ASTN2: variants seen among roughly 807,000 people sequenced by gnomAD.
The protein encoded by ASTN2 is astrotactin-2.
ASTN2 carries 54 observed loss-of-function variants against 139.8 expected under a neutral mutation model. The observed-to-expected ratio is 0.39, with a 90% CI of 0.31 to 0.48. ASTN2 has a LOEUF of 0.48. Among genes scored for constraint, ASTN2 ranks in the 20% least tolerant of loss-of-function variants. ASTN2 has a pLI of 0.95. For synonymous variants in ASTN2, 756 were observed against 719.5 expected (o/e 1.05, Z -0.81); for missense variants, 1,565 against 1,725.1 (o/e 0.91, Z 1.64).
intron 2 of ASTN2, among the ~76,000 whole-genome samples, chr9:117,251,768 G>A (rs1327899551): frequency 6.6e-6 from 1 of 152,182 alleles, no homozygotes; most frequent in African/African-American, 2.4e-5. Context: ...GGCCAGGACA[G>A]TGAAAGGCAT....
intron 16 of ASTN2, among the ~76,000 whole-genome samples, chr9:116,659,374 A>T (rs1858421391): frequency 1.3e-5 from 2 of 151,968 alleles, no homozygotes; most frequent in Admixed American, 1.3e-4. Flanking sequence ...CATAAATCTG[A>T]CTCCTGTCCC....
At chr9:116,717,255 G>A (rs1828336401) in intron 16 of ASTN2, among the ~76,000 whole-genome samples, 1 of 151,962 alleles carries the variant, frequency 6.6e-6, no homozygotes, top group African/African-American at 2.4e-5. Flanking sequence ...GAAGACTAGG[G>A]TGTTCCGTTC....
At chr9:117,285,839 G>A (rs905840979) in intron 2 of ASTN2, among the ~76,000 whole-genome samples, 8 of 152,120 alleles carry the variant, frequency 5.3e-5, no homozygotes, top group Non-Finnish European at 7.4e-5. Flanking sequence ...ATACAAATCC[G>A]TGGCATTTTC....
intron 1 of ASTN2, among the ~76,000 whole-genome samples, chr9:117,343,133 C>A (rs1385134427): frequency 3.3e-5 from 5 of 152,220 alleles, no homozygotes; most frequent in Admixed American, 3.3e-4. Context: ...GCTGCAATTT[C>A]TCTAGAGGCT....
At chr9:117,309,065 G>A (rs1396546299) in intron 1 of ASTN2, among the ~76,000 whole-genome samples, 3 of 152,212 alleles carry the variant, frequency 2.0e-5, no homozygotes, top group Non-Finnish European at 4.4e-5. Flanking sequence ...TACCTTTCAA[G>A]ATGGTTATTA....
chr9:116,664,024 G>A (rs899715961), intron 16 of ASTN2, among the ~76,000 whole-genome samples: 5 of 152,034 alleles, frequency 3.3e-5, no homozygotes, highest in African/African-American at 1.2e-4. Flanking sequence ...TTCAATTTCT[G>A]TTGCTTCTGC....
At chr9:116,887,673 T>C (rs1336528705) in intron 10 of ASTN2, among the ~76,000 whole-genome samples, 1 of 152,066 alleles carries the variant, frequency 6.6e-6, no homozygotes, top group African/African-American at 2.4e-5. Flanking sequence ...ATTGTTGTTG[T>C]TTCGATTTTT....
chr9:116,454,970 T>C (rs1310581556), intron 20 of ASTN2, among the ~76,000 whole-genome samples: 2 of 151,814 alleles, frequency 1.3e-5, no homozygotes, highest in African/African-American at 2.4e-5. Context: ...CACACCAACA[T>C]GGCACATGTA....
intron 19 of ASTN2, among the ~76,000 whole-genome samples, chr9:116,565,387 CCATATATATATATATATATATATATATA>C (rs1853159161): frequency 1.4e-4 from 6 of 42,098 alleles, no homozygotes; most frequent in African/African-American, 6.3e-4. Flanking sequence ...CTCTCTCTCT[CCATATATATATATATATATATATATATA>C]TATATATATA....
At chr9:116,722,997 C>T (rs902792572) in intron 16 of ASTN2, among the ~76,000 whole-genome samples, 9 of 152,126 alleles carry the variant, frequency 5.9e-5, no homozygotes, top group African/African-American at 1.9e-4. Flanking sequence ...AACCCCATCT[C>T]TACTAAAAAT....
chr9:116,457,720 G>A (rs1239326849), intron 20 of ASTN2, among the ~76,000 whole-genome samples: 3 of 152,068 alleles, frequency 2.0e-5, no homozygotes, highest in Non-Finnish European at 4.4e-5. Flanking sequence ...ACAAAGATGT[G>A]GAGAAAGGGA....
At chr9:116,948,631 G>A (rs1251279057) in intron 10 of ASTN2, among the ~76,000 whole-genome samples, 1 of 151,776 alleles carries the variant, frequency 6.6e-6, no homozygotes, top group Non-Finnish European at 1.5e-5. Context: ...GGGTAATGGA[G>A]GGTTGGGGTA....
At chr9:116,580,171 G>A (rs1853893590) in intron 19 of ASTN2, among the ~76,000 whole-genome samples, 2 of 152,180 alleles carry the variant, frequency 1.3e-5, no homozygotes, top group Admixed American at 1.3e-4. Flanking sequence ...GAGGCCCTTC[G>A]TTGTTTCACA....
chr9:116,676,611 T>C (rs1034069433), intron 16 of ASTN2, among the ~76,000 whole-genome samples: 5 of 152,248 alleles, frequency 3.3e-5, no homozygotes, highest in Non-Finnish European at 7.3e-5. Context: ...ATTTGTGGGC[T>C]CATGTCATAG....
intron 7 of ASTN2, among the ~76,000 whole-genome samples, chr9:116,989,613 T>C (rs1836790435): frequency 6.6e-6 from 1 of 151,884 alleles, no homozygotes; most frequent in South Asian, 2.1e-4. Flanking sequence ...GATGAAGTTT[T>C]GCTTTTGTCA....
At position 117,008,202 on chromosome 9, in the gene ASTN2, G is replaced by A. The variant is rs753290352; in HGVS notation, c.1481C>T (p.Pro494Leu). The change falls in exon 7 of 23, where the codon CCG becomes CTG. Residue 494 changes from proline to leucine, a missense_variant. Physicochemically the swap from Pro to Leu is moderately conservative, Grantham distance 98. Around this residue, in one of 4 missense-constraint regions of ASTN2, gnomAD observed 503 missense variants for 591.7 expected, o/e 0.85. Transcript: ENST00000313400. ...CTGGTAATACAGGGAAAGCTTGGCC[G>A]GGTTTAACCAGTCGGAGATGTCCAG... ...SYLDISDWLN[P>L]AKLSLYYQIN... 11 of 1,610,878 alleles carry A rather than the reference G, an allele frequency of 6.8e-6. No individual in the cohort carries two copies. The highest frequency in any genetic ancestry group is 9.3e-6 in the Non-Finnish European group (11 of 1,178,498).
At chr9:116,779,849 C>G (rs1043449196) in intron 13 of ASTN2, among the ~76,000 whole-genome samples, 1 of 152,068 alleles carries the variant, frequency 6.6e-6, no homozygotes, top group Non-Finnish European at 1.5e-5. Flanking sequence ...TTTTAAATTC[C>G]CCCCTGGTCT....
chr9:116,746,904 A>G (rs1380498080), intron 13 of ASTN2, among the ~76,000 whole-genome samples: 4 of 152,182 alleles, frequency 2.6e-5, no homozygotes, highest in African/African-American at 7.2e-5. Flanking sequence ...TGATGCATGC[A>G]CTAGGGGCTC....
chr9:116,431,203 C>T (rs530985670), intron 22 of ASTN2, among the ~76,000 whole-genome samples: 23 of 152,272 alleles, frequency 1.5e-4, no homozygotes, highest in South Asian at 4.1e-4. Flanking sequence ...ACTTATCAGA[C>T]AGGACAGAGA....
Sources: gnomAD v4.1 joint callset for allele counts (sites outside exome capture counted in the v4.1 genomes callset) on GRCh38, gnomAD v4.1.1 for gene constraint, gnomAD v4.1.1 regional missense constraint, MANE v1.5 for transcripts, NCBI Gene and HGNC (gene_info 2026-07-23, HGNC 2026-07-21) for gene names.